The following CFAP65 variants were observed in gnomAD, a reference collection of about 807,000 sequenced individuals.
CFAP65 encodes the protein cilia and flagella associated protein 65, also known as cilia- and flagella-associated protein 65.
CFAP65 carries 155 observed loss-of-function variants against 208.0 expected under a neutral mutation model. The ratio of observed to expected loss-of-function variants is 0.75; its 90% CI spans 0.65 to 0.85. The LOEUF (loss-of-function observed/expected upper bound fraction) is 0.85, where lower values mean the gene tolerates loss of function less well. Among genes scored for constraint, CFAP65 ranks in the 40% least tolerant of loss-of-function variants. The pLI is 0.00. For missense variants in CFAP65, 2,294 were observed against 2,451.3 expected, an observed-to-expected ratio of 0.94 and a Z score of 1.36; for synonymous variants, 970 against 986.3, an observed-to-expected ratio of 0.98 and a Z score of 0.31.
intron 14 of CFAP65, among the ~76,000 whole-genome samples, chr2:219,024,944 C>A (rs901066676): frequency 2.6e-5 from 4 of 152,112 alleles, no homozygotes; most frequent in African/African-American, 9.7e-5. Context: ...TCAGAAAATA[C>A]AAAATAAAAA....
rs1337934742 is a variant in CFAP65 at position 219,003,300 on chromosome 2, G to A, written c.5556-28C>T. The A allele has an allele frequency of 1.3e-6, 2 of 1,493,820 alleles. No individual in the cohort carries two copies. The highest frequency in any genetic ancestry group is 5.0e-5 in the East Asian group (2 of 40,212). 92.5% of individuals were successfully genotyped at this position (1,493,820 alleles called of 1,614,324 possible). A position where few individuals can be genotyped will look rare whatever the true frequency, so the allele number is the denominator to read the frequency against. On this transcript the variant is annotated intron_variant, in intron 33 of 34. Coordinates refer to ENST00000341552, the MANE Select transcript of CFAP65 (RefSeq NM_194302.4). The surrounding 1 kb of genome is among the most constrained non-coding windows in gnomAD (Gnocchi z 4.4). ...GCGAGGGGGCGGGGGCTAGCATGAGGGCGGCCGCAGTGCCCGCGCGCCTCC... is the reference window on the plus strand; with the variant it reads ...GCGAGGGGGCGGGGGCTAGCATGAGAGCGGCCGCAGTGCCCGCGCGCCTCC...
chr2:219,013,990 T>C lies in CFAP65; in HGVS notation c.3657A>G (p.Gln1219=). The C allele has an allele frequency of 6.2e-7, 1 of 1,613,758 alleles. No individual in the cohort carries two copies. The highest frequency in any genetic ancestry group is 8.5e-7 in the Non-Finnish European group (1 of 1,179,906). Residue 1219 remains glutamine, a synonymous_variant, in exon 22 of 35, where the codon CAA becomes CAG. Coordinates refer to ENST00000341552, the MANE Select transcript of CFAP65 (RefSeq NM_194302.4). The part of the protein sequence containing the change: ...QRIDVELWAE[Q]AELNSTELHQ... ...GGAGCTCAGTGGAATTCAACTCTGC[T>C]TGCTCTGCCCAGAGCTCCACGTCAA...
At chr2:219,022,112 C>T in intron 17 of CFAP65, 59 bp downstream of exon 17, 1 of 1,513,440 alleles carries the variant, frequency 6.6e-7, no homozygotes, top group Non-Finnish European at 8.8e-7. Flanking sequence ...CTGGGGCCTT[C>T]CCTCCCACCT....
intron 12 of CFAP65, 77 bp from the exon 13 acceptor site, chr2:219,028,086 C>G: frequency 7.1e-6 from 11 of 1,542,148 alleles, no homozygotes; most frequent in Non-Finnish European, 9.6e-6. Flanking sequence ...ACACTCCTGT[C>G]TAGAAAGGCT....
At position 219,010,841 on chromosome 2, in the gene CFAP65, C is replaced by G. The variant is rs1430009507; in HGVS notation, c.4113G>C (p.Leu1371Phe). 1 of 1,611,388 alleles carries G rather than the reference C, an allele frequency of 6.2e-7. No individual in the cohort carries two copies. The highest frequency in any genetic ancestry group is 1.3e-5 in the African/African-American group (1 of 75,042). The stretch of plus-strand genomic sequence containing the variant: ...TGGCCTCGATAGGTGAGAAGATCCA[C>G]AAGACCCGGGCAGTGCTGCCTGGCT... ...EIQPGSTARVLWIFSPIEAKT... is the reference protein window; with the variant it reads ...EIQPGSTARVFWIFSPIEAKT... Residue 1371 changes from leucine to phenylalanine, a missense_variant, in exon 25 of 35, where the codon TTG becomes TTC. Physicochemically the swap from Leu to Phe is conservative, Grantham distance 22 (BLOSUM62 0). Transcript: ENST00000341552.
chr2:219,029,476 G>A lies in CFAP65; in HGVS notation c.1577C>T (p.Thr526Ile), dbSNP rs1414968105. The change falls in exon 11 of 35, where the codon ACC becomes ATC. Residue 526 changes from threonine (T) to isoleucine (I), a missense_variant. Around this residue, in one of 2 missense-constraint regions of CFAP65, gnomAD observed 867 missense variants for 1,012.6 expected, o/e 0.86. Coordinates refer to ENST00000341552, the MANE Select transcript of CFAP65 (RefSeq NM_194302.4). The part of the protein sequence containing the change: ...FGTLVGKARM[T>I]LHCAFQPTHP... ...AGTGGGCTGGAAGGCACAGTGCAGG[G>A]TCATACGGGCCTTGCCCACCAGCGT... 4 of 1,614,116 alleles carry A rather than the reference G, an allele frequency of 2.5e-6. No individual in the cohort carries two copies. Among genetic ancestry groups the A allele is most frequent in the Non-Finnish European group, 3.4e-6 (4 of 1,180,006 alleles).
chr2:219,005,448 G>T lies in CFAP65; in HGVS notation c.5037C>A (p.Leu1679=). 6.2e-7 allele frequency: 1 copy of T among 1,613,858 alleles called. No individual in the cohort carries two copies. The highest frequency in any genetic ancestry group is 2.2e-5 in the East Asian group (1 of 44,872). ...KQKKQLLVDI[L]TTIIRGLLED... is the part of the protein sequence containing the mutation. The stretch of plus-strand genomic sequence containing the variant: ...TGAGCTGGTACCTGATTATTGTGGT[G>T]AGAATGTCAACCAGGAGCTGCTTCT... Residue 1679 remains leucine (L), a synonymous_variant, in exon 32 of 35, where the codon CTC becomes CTA. Coordinates refer to ENST00000341552, the MANE Select transcript of CFAP65 (RefSeq NM_194302.4).
rs1041426445 is a variant in CFAP65 at position 219,011,171 on chromosome 2, C to T, written c.3958-175G>A. Among the ~76,000 whole-genome samples, 4 of 151,784 alleles carry T rather than the reference C, an allele frequency of 2.6e-5. No homozygotes were observed. The East Asian group carries it at 7.7e-4, about 29-fold the overall frequency. On this transcript the variant is annotated intron_variant, in intron 24 of 34. Transcript: ENST00000341552. ...AGAAGTATGTAACTGTATGGTCAGC[C>T]GGTGATATTTTAGGATAATCTGTAA...
At chr2:219,007,163 T>C (rs766721593) in intron 29 of CFAP65, among the ~76,000 whole-genome samples, 3 of 142,018 alleles carry the variant, frequency 2.1e-5, no homozygotes, top group Non-Finnish European at 3.0e-5. Context: ...TTGTTGTTTT[T>C]GTTTGTTTTT....
rs201338358 is a variant in CFAP65, at chr2:219,007,140, G to GTTT, written c.4675-634_4675-632dup. ...TCCTTCCCTCATGCCCCCAAGAAGA[G>GTTT]TTTTTTTTGTTGTTGTTGTTTTTGT... On this transcript the variant is annotated intron_variant, in intron 29 of 34. Transcript: ENST00000341552. 1.2e-4 allele frequency among the ~76,000 whole-genome samples: 18 copies of GTTT among 148,442 alleles called. No homozygotes were observed. The East Asian group carries it at 3.6e-3, about 30-fold the overall frequency.
At chr2:219,006,335 G>A in intron 30 of CFAP65, 112 bp from the exon 31 acceptor site, 1 of 1,475,906 alleles carries the variant, frequency 6.8e-7, no homozygotes, top group South Asian at 1.2e-5. Flanking sequence ...ATAAGCGTGT[G>A]ACCCCACTCA....
intron 18 of CFAP65, 89 bp from the exon 19 acceptor site, chr2:219,021,369 A>G (rs1381959120): frequency 1.6e-5 from 22 of 1,403,596 alleles, no homozygotes; most frequent in Non-Finnish European, 7.5e-6. Context: ...CCTGGGCACC[A>G]GGGGAGGACA....
intron 3 of CFAP65, 79 bp downstream of exon 3, chr2:219,038,817 A>T: frequency 6.7e-7 from 1 of 1,489,058 alleles, no homozygotes; most frequent in East Asian, 2.3e-5. Flanking sequence ...GACAAGGCCC[A>T]CCCCACTAGG....
In CFAP65 at chr2:219,030,125, G is replaced by T; in HGVS notation, c.1245C>A (p.Ile415=). Residue 415 remains isoleucine (I), a synonymous_variant, in exon 10 of 35, where the codon ATC becomes ATA. Coordinates refer to ENST00000341552, the MANE Select transcript of CFAP65 (RefSeq NM_194302.4). ...CACATTTCTTCTCTCCCGGAAGCAC[G>T]ATGCCATGGGCCGTGGGGCATGAGA... is the stretch of plus-strand genomic sequence containing the variant. ...QAFSCPTAHG[I]VLPGEKKCVS... 1 of 1,614,178 alleles carries T rather than the reference G, an allele frequency of 6.2e-7. No individual in the cohort carries two copies. Among genetic ancestry groups the T allele is most frequent in the Non-Finnish European group, 8.5e-7 (1 of 1,180,018 alleles).
Position 219,004,953 on chromosome 2 carries a change from TTCTTTCTCTC to T in CFAP65, c.5051+471_5051+480del, listed in dbSNP as rs1023775002. On this transcript the variant is annotated intron_variant, in intron 32 of 34. Coordinates refer to ENST00000341552, the MANE Select transcript of CFAP65 (RefSeq NM_194302.4). The surrounding 1 kb of genome is among the most constrained non-coding windows in gnomAD (Gnocchi z 4.7). ...TCCTCTTTTTTCTTTCTTTCTTTCTTTCTTTCTCTCTCTTTCTTTCTTTCTCTCTTTCTGT... is the reference window on the plus strand; with the variant it reads ...TCCTCTTTTTTCTTTCTTTCTTTCTTTCTTTCTTTCTTTCTCTCTTTCTGT... Among the ~76,000 whole-genome samples, 20 of 151,682 alleles carry T rather than the reference TTCTTTCTCTC, an allele frequency of 1.3e-4. No homozygotes were observed. Among genetic ancestry groups the T allele is most frequent in the African/African-American group, 4.1e-4 (17 of 41,172 alleles).
intron 26 of CFAP65, 53 bp downstream of exon 26, chr2:219,010,493 G>T: frequency 6.4e-7 from 1 of 1,569,816 alleles, no homozygotes; most frequent in Non-Finnish European, 8.6e-7. Flanking sequence ...GCCACCCTGG[G>T]CTCTGAGGCT....
Position 219,010,581 on chromosome 2 carries a change from T to A in CFAP65, c.4273A>T (p.Ser1425Cys). The change falls in exon 26 of 35, where the codon AGT becomes TGT. Residue 1425 changes from serine (S) to cysteine (C), a missense_variant. Physicochemically the swap from Ser to Cys is moderately radical, Grantham distance 112 (BLOSUM62 -1). Coordinates refer to ENST00000341552, the MANE Select transcript of CFAP65 (RefSeq NM_194302.4). ...ACCACCAGCCTAGAGTGTATGGAACTGTTGTCCCACGAGGAGATGTTGTGG... is the reference window on the plus strand; with the variant it reads ...ACCACCAGCCTAGAGTGTATGGAACAGTTGTCCCACGAGGAGATGTTGTGG... ...PFHNISSWDN[S>C]SIHSRLVVPG... 1 of 1,611,640 alleles carries A rather than the reference T, an allele frequency of 6.2e-7. No homozygotes were observed.
chr2:219,031,097 G>C lies in CFAP65; in HGVS notation c.1015+9C>G. 1 of 1,575,084 alleles carries C rather than the reference G, an allele frequency of 6.3e-7. No individual in the cohort carries two copies. The highest frequency in any genetic ancestry group is 8.6e-7 in the Non-Finnish European group (1 of 1,160,100). ...GCCAGTCTGGGGACGGTGGGAGGTT[G>C]GGCCTCACCCACAGCCTGCAGCTGG... is the stretch of plus-strand genomic sequence containing the variant. On this transcript the variant is annotated intron_variant, in intron 8 of 34. Coordinates refer to ENST00000341552, the MANE Select transcript of CFAP65 (RefSeq NM_194302.4). The surrounding 1 kb of genome is among the most constrained non-coding windows in gnomAD (Gnocchi z 5.2).
At chr2:219,037,074 A>C (rs1454461995) in intron 4 of CFAP65, among the ~76,000 whole-genome samples, 1 of 152,188 alleles carries the variant, frequency 6.6e-6, no homozygotes, top group Non-Finnish European at 1.5e-5. Flanking sequence ...GGAAAACGGA[A>C]GCCACTCTGA....
Sources: allele counts gnomAD v4.1 joint callset (sites outside exome capture counted in the v4.1 genomes callset), GRCh38; gene constraint gnomAD v4.1.1; regional missense constraint gnomAD v4.1.1; non-coding constraint Gnocchi (gnomAD v3.1); transcripts MANE v1.5; gene names NCBI Gene and HGNC (gene_info 2026-07-23, HGNC 2026-07-21).